Variants in SEC23A observed in about 807,000 individuals in gnomAD.
SEC23A encodes protein transport protein Sec23A.
Under a neutral mutation model 103.7 loss-of-function variants are expected in SEC23A, and 56 were observed. The ratio of observed to expected loss-of-function variants is 0.54; its 90% confidence interval spans 0.44 to 0.67. The LOEUF is 0.67. Ranked by LOEUF, SEC23A falls within the 30% of genes least tolerant of loss-of-function variation. The pLI is 0.00. For synonymous variants in SEC23A, 281 were observed against 293.0 expected (o/e 0.96, Z 0.42); for missense variants, 784 against 936.4 (o/e 0.84, Z 2.12).
At chr14:39,071,485 G>T (rs1171532256) in intron 9 of SEC23A, among the ~76,000 whole-genome samples, 1 of 152,162 alleles carries the variant, frequency 6.6e-6, no homozygotes, top group Non-Finnish European at 1.5e-5. Flanking sequence ...GGAGGCAGAG[G>T]TTGCAGTGAG....
intron 10 of SEC23A, among the ~76,000 whole-genome samples, chr14:39,066,299 AT>A (rs1015098698): frequency 1.3e-5 from 2 of 152,160 alleles, no homozygotes; most frequent in Admixed American, 6.5e-5. Context: ...ATTAATAAAT[AT>A]TTAATGAAAA....
At chr14:39,051,808 CA>C (rs766720736) in intron 14 of SEC23A, among the ~76,000 whole-genome samples, 4 of 147,836 alleles carry the variant, frequency 2.7e-5, no homozygotes, top group South Asian at 2.1e-4. Context: ...ACTAAAAATA[CA>C]AAAAAAAAAT....
At chr14:39,034,052 T>C (rs978738544) in intron 19 of SEC23A, among the ~76,000 whole-genome samples, 1 of 152,248 alleles carries the variant, frequency 6.6e-6, no homozygotes, top group Admixed American at 6.5e-5. Context: ...TTATAGCTCC[T>C]GTGATTCTAG....
chr14:39,101,559 G>A (rs1421300483), intron 1 of SEC23A, among the ~76,000 whole-genome samples: 1 of 150,930 alleles, frequency 6.6e-6, no homozygotes, highest in African/African-American at 2.4e-5. Flanking sequence ...GGAGGCGGAG[G>A]TTGCAGTGAG....
chr14:39,098,668 G>A (rs1292856981), intron 1 of SEC23A, among the ~76,000 whole-genome samples: 1 of 151,816 alleles, frequency 6.6e-6, no homozygotes. Flanking sequence ...CAGCTACTCA[G>A]GAGGCTAAGG....
chr14:39,075,280 G>T (rs1157326760), intron 8 of SEC23A, among the ~76,000 whole-genome samples: 3 of 152,032 alleles, frequency 2.0e-5, no homozygotes, highest in African/African-American at 7.3e-5. Flanking sequence ...GAAATTAGTT[G>T]GCAGGAAAGA....
chr14:39,066,491 A>T (rs8020225), intron 10 of SEC23A, among the ~76,000 whole-genome samples: 86,473 of 142,098 alleles, frequency 0.61, 25,618 homozygotes, highest in East Asian at 0.68. Flanking sequence ...TTTTTTTTTT[A>T]AAAAAAACAG....
At chr14:39,045,417 CAACAT>C (rs1373140874) in intron 15 of SEC23A, 93 bp from the exon 16 acceptor site, 29 of 862,070 alleles carry the variant, frequency 3.4e-5, no homozygotes, top group Non-Finnish European at 4.9e-5. Flanking sequence ...AAACTATTAA[CAACAT>C]AACAAAACAT....
Position 39,031,955 on chromosome 14 carries a change from A to G in SEC23A, c.*1284T>C, listed in dbSNP as rs1214212997. On this transcript the variant is annotated 3_prime_UTR_variant, in exon 20 of 20. Transcript: ENST00000307712. ...GTATATTTTATTGGCATTTAGGCCT[A>G]GCGTAGTTCAATTCAAATAAAATAT... 1 of 152,682 alleles carries G rather than the reference A, an allele frequency of 6.5e-6. No homozygotes were observed. The highest frequency in any genetic ancestry group is 1.5e-5 in the Non-Finnish European group (1 of 68,038). 9.5% of individuals were successfully genotyped at this position (152,682 alleles called of 1,614,324 possible).
intron 2 of SEC23A, among the ~76,000 whole-genome samples, chr14:39,094,428 ATATATATATATATATTTTTTTTT>A (rs1887807008): frequency 1.3e-4 from 6 of 46,652 alleles, no homozygotes; most frequent in African/African-American, 8.3e-4. Flanking sequence ...ATATATATAT[ATATATATATATATATTTTTTTTT>A]TTTTTTTTTC....
In SEC23A at chr14:39,040,881, C is replaced by T; in HGVS notation, c.1993G>A (p.Ala665Thr). The change falls in exon 18 of 20, where the codon GCA becomes ACA. Residue 665 changes from alanine (A) to threonine (T), a missense_variant. By Grantham distance (58) the Ala-to-Thr change is moderately conservative. This residue lies in a region of SEC23A where 101 missense variants were observed against 162.2 expected (regional missense o/e 0.62). Coordinates refer to ENST00000307712, the MANE Select transcript of SEC23A (RefSeq NM_006364.4). ...QILIYHGETI[A>T]QWRKSGYQDM... ...TGGTATCCTGACTTCCGCCACTGTG[C>T]TATGGTCTAATTTTAAAACAATTAA... 1 of 1,613,502 alleles carries T rather than the reference C, an allele frequency of 6.2e-7. No individual in the cohort carries two copies. Among genetic ancestry groups the T allele is most frequent in the Non-Finnish European group, 8.5e-7 (1 of 1,179,714 alleles).
At chr14:39,057,911 T>C (rs1278209554) in intron 13 of SEC23A, among the ~76,000 whole-genome samples, 1 of 152,236 alleles carries the variant, frequency 6.6e-6, no homozygotes, top group Non-Finnish European at 1.5e-5. Flanking sequence ...AATCAAATAA[T>C]TAAAATTACT....
At chr14:39,040,622 A>T in intron 18 of SEC23A, 110 bp downstream of exon 18, 1 of 1,370,590 alleles carries the variant, frequency 7.3e-7, no homozygotes, top group Non-Finnish European at 1.0e-6. Flanking sequence ...CTATCTCCTT[A>T]CCTTTCTGTC....
In SEC23A at chr14:39,095,941, G is replaced by A; in HGVS notation, c.178C>T (p.Leu60=). 6.2e-7 allele frequency: 1 copy of A among 1,614,126 alleles called. No individual in the cohort carries two copies. The highest frequency in any genetic ancestry group is 1.1e-5 in the South Asian group (1 of 91,082). The part of the protein sequence containing the change: ...DLPPIQYEPV[L]CSRTTCRAVL... ...GCACGGCAAGTGGTCCTACTACACA[G>A]AACAGGTTCATATTGAATAGGTGGT... The change falls in exon 2 of 20, where the codon CTG becomes TTG. Residue 60 remains leucine (L), a synonymous_variant. Transcript: ENST00000307712.
At chr14:39,034,762 T>A (rs1478838107) in intron 19 of SEC23A, among the ~76,000 whole-genome samples, 2 of 152,190 alleles carry the variant, frequency 1.3e-5, no homozygotes, top group Non-Finnish European at 2.9e-5. Context: ...ACTTTTCAAA[T>A]GGACCCTTTT....
At chr14:39,068,740 A>C (rs1886753841) in intron 9 of SEC23A, among the ~76,000 whole-genome samples, 1 of 152,198 alleles carries the variant, frequency 6.6e-6, no homozygotes, top group African/African-American at 2.4e-5. Flanking sequence ...CACATTTTTA[A>C]AATATTTTAA....
chr14:39,048,847 G>A (rs940699622), intron 14 of SEC23A, 118 bp from the exon 15 acceptor site: 1 of 646,838 alleles, frequency 1.5e-6, no homozygotes, highest in Admixed American at 2.7e-5. Flanking sequence ...ACTTGATAAA[G>A]AATAAAATTA....
chr14:39,033,476 T>A, intron 19 of SEC23A, 148 bp from the exon 20 acceptor site: 1 of 136,260 alleles, frequency 7.3e-6, no homozygotes, highest in Non-Finnish European at 1.5e-5. Flanking sequence ...CGTCCCTGGT[T>A]GCTGGGAGGG....
chr14:39,044,584 C>A (rs939553046), intron 16 of SEC23A, among the ~76,000 whole-genome samples: 17 of 152,004 alleles, frequency 1.1e-4, no homozygotes, highest in African/African-American at 4.1e-4. Flanking sequence ...TAAAACAGAC[C>A]ATTTTAACTA....
Sources: gnomAD v4.1 joint callset for allele counts (sites outside exome capture counted in the v4.1 genomes callset) on GRCh38, gnomAD v4.1.1 for gene constraint, gnomAD v4.1.1 regional missense constraint, MANE v1.5 for transcripts, NCBI Gene and HGNC (gene_info 2026-07-23, HGNC 2026-07-21) for gene names.